ZC3H12B: variants seen among roughly 807,000 people sequenced by gnomAD.
ZC3H12B encodes the protein zinc finger CCCH-type containing 12B, also known as probable ribonuclease ZC3H12B.
In ZC3H12B, 7 loss-of-function variants were observed where a neutral mutation model predicts 43.9. The observed-to-expected ratio is 0.16, with a 90% CI of 0.09 to 0.30. ZC3H12B has a LOEUF of 0.30. Among genes scored for constraint, ZC3H12B ranks in the 10% least tolerant of loss-of-function variants. The probability of loss-of-function intolerance (pLI) is 1.00; values close to 1 mark genes in which losing one functional copy is unlikely to be tolerated. For missense variants in ZC3H12B, 475 were observed against 670.2 expected (o/e 0.71, Z 3.22); for synonymous variants, 222 against 241.7 (o/e 0.92, Z 0.76).
the ZC3H12B span, among the ~76,000 whole-genome samples, chrX:65,266,177 C>T: frequency 8.9e-6 from 1 of 112,173 alleles, no homozygotes; most frequent in South Asian, 3.6e-4. Context: ...TTCAGCAATG[C>T]CTGGTAAAGA....
the ZC3H12B span, among the ~76,000 whole-genome samples, chrX:65,170,907 A>C: frequency 9.0e-6 from 1 of 111,502 alleles, no homozygotes; most frequent in Non-Finnish European, 1.9e-5. Context: ...GTTCTTCTCT[A>C]TACTGTTTAT....
chrX:65,079,811 G>T, the ZC3H12B span, among the ~76,000 whole-genome samples: 1 of 110,898 alleles, frequency 9.0e-6, no homozygotes, highest in East Asian at 2.9e-4. Context: ...TCAATACCCA[G>T]ACACCAAAGA....
the ZC3H12B span, among the ~76,000 whole-genome samples, chrX:65,181,681 G>A: frequency 8.9e-6 from 1 of 112,168 alleles, no homozygotes; most frequent in African/African-American, 3.2e-5. Flanking sequence ...TTAGAGAAAT[G>A]CAAATCAAAA....
chrX:65,091,210 G>T, the ZC3H12B span, among the ~76,000 whole-genome samples: 2 of 112,157 alleles, frequency 1.8e-5, no homozygotes. Context: ...AAAGACGAAG[G>T]CAATGTGGTG....
chrX:65,489,504 C>A, intron 1 of ZC3H12B, 95 bp downstream of exon 6: 5 of 999,874 alleles, frequency 5.0e-6, no homozygotes, highest in Non-Finnish European at 1.3e-6. Context: ...AGGAGCATGG[C>A]TATTGACTGT....
At chrX:65,111,089 G>A in the ZC3H12B span, among the ~76,000 whole-genome samples, 1 of 111,439 alleles carries the variant, frequency 9.0e-6, no homozygotes, top group African/African-American at 3.2e-5. Context: ...TGTATCCTGA[G>A]ACCTTGCTGA....
chrX:65,279,535 G>A, the ZC3H12B span, among the ~76,000 whole-genome samples: 1 of 110,653 alleles, frequency 9.0e-6, no homozygotes, highest in Non-Finnish European at 1.9e-5. Context: ...GATTTAAGCT[G>A]GACCCCATCC....
the ZC3H12B span, among the ~76,000 whole-genome samples, chrX:65,148,592 C>A: frequency 9.0e-6 from 1 of 111,066 alleles, no homozygotes; most frequent in Non-Finnish European, 1.9e-5. Context: ...AGGACAGACC[C>A]AGTTCTGGGG....
the ZC3H12B span, among the ~76,000 whole-genome samples, chrX:65,090,870 G>T: frequency 1.8e-5 from 2 of 111,262 alleles, no homozygotes; most frequent in Non-Finnish European, 3.8e-5. Context: ...TCCCTTTGTT[G>T]CTGTCCTTGC....
At chrX:65,090,642 C>G in the ZC3H12B span, among the ~76,000 whole-genome samples, 15 of 111,316 alleles carry the variant, frequency 1.3e-4, 1 homozygote, top group African/African-American at 2.0e-4. Flanking sequence ...GTGAATGTTA[C>G]CTTATATAGT....
chrX:65,225,242 T>C, the ZC3H12B span, among the ~76,000 whole-genome samples: 1 of 112,428 alleles, frequency 8.9e-6, no homozygotes, highest in Admixed American at 9.4e-5. Flanking sequence ...CTGCAGCCAC[T>C]GCTGCTGACA....
chrX:65,236,439 A>G, the ZC3H12B span, among the ~76,000 whole-genome samples: 1 of 111,745 alleles, frequency 8.9e-6, no homozygotes, highest in South Asian at 3.7e-4. Context: ...TTTAGAATCT[A>G]GATATTAGAC....
At chrX:65,502,327 T>C in exon 5 of ZC3H12B, 1 of 1,209,482 alleles carries the variant, frequency 8.3e-7, no homozygotes, top group African/African-American at 1.8e-5. Context: ...TGGGGGACCA[T>C]GGCTACTATT....
the ZC3H12B span, among the ~76,000 whole-genome samples, chrX:65,048,618 T>C: frequency 9.0e-6 from 1 of 111,382 alleles, no homozygotes; most frequent in African/African-American, 3.3e-5. Flanking sequence ...GGTATACATA[T>C]ATAATGATGT....
intron 3 of ZC3H12B, among the ~76,000 whole-genome samples, chrX:65,431,392 T>A (rs2067159973): frequency 8.9e-6 from 1 of 112,321 alleles, no homozygotes; most frequent in Non-Finnish European, 1.9e-5. Context: ...AGGTTTGTAT[T>A]TGTTTTTGTT....
At chrX:65,361,466 C>A in the ZC3H12B span, among the ~76,000 whole-genome samples, 1 of 112,360 alleles carries the variant, frequency 8.9e-6, no homozygotes, top group East Asian at 2.8e-4. Context: ...TGGAACATAT[C>A]TTTATTGTTA....
intron 3 of ZC3H12B, among the ~76,000 whole-genome samples, chrX:65,439,929 G>T (rs1447222896): frequency 9.0e-6 from 1 of 110,591 alleles, no homozygotes; most frequent in Admixed American, 9.6e-5. Context: ...AAGGTTTCAG[G>T]TGTCTTGGTG....
chrX:65,456,450 T>C (rs1168786453), intron 3 of ZC3H12B, among the ~76,000 whole-genome samples: 2 of 45,006 alleles, frequency 4.4e-5, no homozygotes, highest in Non-Finnish European at 7.2e-5. Flanking sequence ...CCTCTCCCTG[T>C]CTCCACAGTC....
intron 3 of ZC3H12B, among the ~76,000 whole-genome samples, chrX:65,462,809 G>A (rs1017075451): frequency 8.9e-6 from 1 of 112,036 alleles, no homozygotes; most frequent in South Asian, 3.7e-4. Flanking sequence ...AAAAAGACAC[G>A]TGCACTCGCA....
Sources: allele counts gnomAD v4.1 joint callset (sites outside exome capture counted in the v4.1 genomes callset), GRCh38; gene constraint gnomAD v4.1.1; transcripts MANE v1.5; gene names NCBI Gene and HGNC (gene_info 2026-07-23, HGNC 2026-07-21).